Variants in PLG observed in about 807,000 individuals in gnomAD.
PLG encodes the protein plasmin.
A neutral mutation model predicts 104.4 loss-of-function variants in PLG; 41 were observed. The observed-to-expected ratio is 0.39, with a 90% confidence interval of 0.31 to 0.51. PLG has a LOEUF of 0.51. Ranked by LOEUF, PLG falls within the 20% of genes least tolerant of loss-of-function variation. The pLI is 0.76. For synonymous variants in PLG, 337 were observed against 357.1 expected (o/e 0.94, Z 0.63); for missense variants, 891 against 1,003.6 (o/e 0.89, Z 1.52).
rs111314933 is a variant in PLG at position 160,739,444 on chromosome 6, G to GTAC, written c.2018+238_2018+240dup. ...CATGTGGAAAAAGAGTTGAAATGAG[G>GTAC]TACTCTGTTACTCCTAGAACTCACT... is the stretch of plus-strand genomic sequence containing the variant. On this transcript the variant is annotated intron_variant, in intron 16 of 18. Coordinates refer to ENST00000308192, the MANE Select transcript of PLG (RefSeq NM_000301.5). This position sits in a 1 kb window ranked among gnomAD's most constrained non-coding sequence, Gnocchi z 4.4. Among the ~76,000 whole-genome samples the GTAC allele has an allele frequency of 1.3e-5, 2 of 151,990 alleles. No individual in the cohort carries two copies. Among genetic ancestry groups the GTAC allele is most frequent in the African/African-American group, 4.8e-5 (2 of 41,374 alleles).
chr6:160,707,830 C>T (rs1170333381), intron 3 of PLG, 24 bp downstream of exon 3: 2 of 1,505,002 alleles, frequency 1.3e-6, no homozygotes, highest in East Asian at 4.5e-5. Flanking sequence ...CTTCCTCCTC[C>T]TCCTACTGTC....
At chr6:160,733,781 T>C (rs1005986125) in intron 12 of PLG, among the ~76,000 whole-genome samples, 5 of 142,508 alleles carry the variant, frequency 3.5e-5, no homozygotes, top group Non-Finnish European at 7.5e-5. Flanking sequence ...GAGATGGAGG[T>C]TGCAGTGAGC....
intron 2 of PLG, among the ~76,000 whole-genome samples, chr6:160,707,483 A>G (rs926166324): frequency 6.6e-6 from 1 of 152,008 alleles, no homozygotes; most frequent in Admixed American, 6.6e-5. Flanking sequence ...ATTATGAGGG[A>G]GGGAAGGTAA....
intron 9 of PLG, among the ~76,000 whole-genome samples, chr6:160,721,686 T>A (rs1777831667): frequency 6.6e-6 from 1 of 152,222 alleles, no homozygotes; most frequent in African/African-American, 2.4e-5. Context: ...CGTAGGAGAA[T>A]ACTTATCTCC....
At position 160,738,804 on chromosome 6, in the gene PLG, C is replaced by A. The variant is rs778414944; in HGVS notation, c.1877+192C>A. On this transcript the variant is annotated intron_variant, in intron 15 of 18. Coordinates refer to ENST00000308192, the MANE Select transcript of PLG (RefSeq NM_000301.5). This position sits in a 1 kb window ranked among gnomAD's most constrained non-coding sequence, Gnocchi z 6.8. ...AGAAAGAAACTGCAGAGGAAAGACA[C>A]AGTACAGATGATTTTGTGGGCCTGA... Among the ~76,000 whole-genome samples, 1 of 152,242 alleles carries A rather than the reference C, an allele frequency of 6.6e-6. No individual in the cohort carries two copies. Among genetic ancestry groups the A allele is most frequent in the East Asian group, 1.9e-4 (1 of 5,176 alleles).
intron 1 of PLG, chr6:160,706,132 C>CTACTAAATAGG: frequency 2.1e-6 from 1 of 483,196 alleles, no homozygotes; most frequent in Non-Finnish European, 3.8e-6. Flanking sequence ...AGCTAAATAC[C>CTACTAAATAGG]TACTAAATAG....
At chr6:160,703,145 GAAAT>G (rs1383420338) in intron 1 of PLG, among the ~76,000 whole-genome samples, 1 of 152,064 alleles carries the variant, frequency 6.6e-6, no homozygotes, top group Non-Finnish European at 1.5e-5. Context: ...TCAGATCTGG[GAAAT>G]AAAGAAAACT....
At chr6:160,742,217 G>T (rs783183) in intron 17 of PLG, among the ~76,000 whole-genome samples, 4,230 of 152,246 alleles carry the variant, frequency 0.028, 101 homozygotes, top group South Asian at 0.094. Flanking sequence ...TCTGCTTTTA[G>T]CTCTTTGAGA....
rs1312838776 is a variant in PLG at position 160,752,274 on chromosome 6, A to G, written c.2271+14A>G. 1.2e-6 allele frequency: 2 copies of G among 1,608,252 alleles called. No individual in the cohort carries two copies. Among genetic ancestry groups the G allele is most frequent in the African/African-American group, 1.3e-5 (1 of 74,958 alleles). ...GACAGTTGCCAGGTAAGCAAAGATCAAGAGACCAAAGTTAGTCTTGTGCTC... is the reference window on the plus strand; with the variant it reads ...GACAGTTGCCAGGTAAGCAAAGATCGAGAGACCAAAGTTAGTCTTGTGCTC... On this transcript the variant is annotated intron_variant, in intron 18 of 18. Transcript: ENST00000308192. This position sits in a 1 kb window ranked among gnomAD's most constrained non-coding sequence, Gnocchi z 4.7.
chr6:160,749,321 TCACCAC>T (rs756110798), intron 17 of PLG, among the ~76,000 whole-genome samples: 2 of 151,768 alleles, frequency 1.3e-5, no homozygotes, highest in African/African-American at 4.8e-5. Context: ...ACCAACATCA[TCACCAC>T]CACCACCATC....
chr6:160,718,878 T>A, intron 9 of PLG, 40 bp downstream of exon 9: 1 of 1,590,342 alleles, frequency 6.3e-7, no homozygotes, highest in Non-Finnish European at 8.6e-7. Flanking sequence ...GCCCAAGTTT[T>A]CTCCTTATTT....
intron 7 of PLG, 66 bp downstream of exon 7, chr6:160,716,829 CAT>C: frequency 2.1e-6 from 2 of 969,170 alleles, no homozygotes; most frequent in South Asian, 1.3e-5. Flanking sequence ...CAAAAGAAAA[CAT>C]GTGTCAGTGC....
At chr6:160,733,468 T>G (rs1299102995) in intron 12 of PLG, among the ~76,000 whole-genome samples, 4 of 152,054 alleles carry the variant, frequency 2.6e-5, no homozygotes, top group Non-Finnish European at 4.4e-5. Context: ...TCATAGCTCC[T>G]TTTGAACAGG....
In PLG at chr6:160,718,361, G is replaced by T. The variant is rs202061577; in HGVS notation, c.855G>T (p.Gly285=). The T allele has an allele frequency of 6.2e-7, 1 of 1,613,740 alleles. No homozygotes were observed. The highest frequency in any genetic ancestry group is 1.1e-5 in the South Asian group (1 of 91,068). The change falls in exon 8 of 19, where the codon GGG becomes GGT. Residue 285 remains glycine (G), a synonymous_variant. Coordinates refer to ENST00000308192, the MANE Select transcript of PLG (RefSeq NM_000301.5). ...AGGGAACAGGTGAAAACTATCGCGG[G>T]AATGTGGCTGTTACCGTGTCCGGGC... ...CLKGTGENYR[G]NVAVTVSGHT... is the part of the protein sequence containing the mutation.
intron 10 of PLG, among the ~76,000 whole-genome samples, chr6:160,727,712 G>A (rs955091102): frequency 5.3e-5 from 8 of 152,050 alleles, no homozygotes; most frequent in Middle Eastern, 6.8e-3. Flanking sequence ...AGAAGAAAAT[G>A]TGACAAAATT....
Position 160,737,909 on chromosome 6 carries a change from G to A in PLG, c.1803-629G>A, listed in dbSNP as rs763036816. Among the ~76,000 whole-genome samples the A allele has an allele frequency of 2.0e-4, 30 of 152,064 alleles. No homozygotes were observed. The highest frequency in any genetic ancestry group is 4.0e-4 in the Non-Finnish European group (27 of 68,024). On this transcript the variant is annotated intron_variant, in intron 14 of 18. Transcript: ENST00000308192. This position sits in a 1 kb window ranked among gnomAD's most constrained non-coding sequence, Gnocchi z 4.7. ...TTTCCTAAACTATGTGGTGGTCTAC[G>A]TCCTCACTGACTTATCAACATGCTA...
At chr6:160,746,785 C>T (rs1460027393) in intron 17 of PLG, among the ~76,000 whole-genome samples, 1 of 152,094 alleles carries the variant, frequency 6.6e-6, no homozygotes, top group East Asian at 1.9e-4. Context: ...TTTTACAGGG[C>T]CAAAGCCTTG....
intron 12 of PLG, among the ~76,000 whole-genome samples, chr6:160,733,437 T>C (rs1778033395): frequency 1.3e-5 from 2 of 151,920 alleles, no homozygotes. Context: ...GGGTCACCAC[T>C]CCCTGTCCAG....
chr6:160,730,969 G>T (rs1172198646), intron 10 of PLG, 82 bp from the exon 11 acceptor site: 2 of 1,405,680 alleles, frequency 1.4e-6, no homozygotes, highest in Non-Finnish European at 2.0e-6. Context: ...TTAACACTTT[G>T]TTAGAACAAA....
Sources: gnomAD v4.1 joint callset for allele counts (sites outside exome capture counted in the v4.1 genomes callset) on GRCh38, gnomAD v4.1.1 for gene constraint, Gnocchi (gnomAD v3.1) non-coding constraint, MANE v1.5 for transcripts, NCBI Gene and HGNC (gene_info 2026-07-23, HGNC 2026-07-21) for gene names.